The following ENTREP1 variants were observed in gnomAD, a reference collection of about 807,000 sequenced individuals.
The protein encoded by ENTREP1 is Friedreich ataxia region gene X123.
chr9:69,347,745 G>A, the ENTREP1 span, among the ~76,000 whole-genome samples: 1 of 152,196 alleles, frequency 6.6e-6, no homozygotes. Context: ...GCCCTACAGA[G>A]TGGCCTTGAA....
the ENTREP1 span, among the ~76,000 whole-genome samples, chr9:69,361,303 A>G: frequency 2.7e-4 from 41 of 152,170 alleles, no homozygotes; most frequent in Non-Finnish European, 5.3e-4. Flanking sequence ...GTCTCCCTGC[A>G]GGAGTAACCA....
the ENTREP1 span, chr9:69,325,140 A>AGCGGCAGCG: frequency 3.9e-6 from 4 of 1,030,456 alleles, no homozygotes; most frequent in Non-Finnish European, 3.5e-6. Context: ...GAGCCAGGGC[A>AGCGGCAGCG]GCGGCAGCGG....
chr9:69,368,579 C>G, the ENTREP1 span, among the ~76,000 whole-genome samples: 4 of 152,002 alleles, frequency 2.6e-5, no homozygotes, highest in Middle Eastern at 3.2e-3. Context: ...ATTTTTGTGT[C>G]TATGTTCATC....
chr9:69,387,770 C>T, the ENTREP1 span: 2 of 584,918 alleles, frequency 3.4e-6, no homozygotes, highest in African/African-American at 3.9e-5. Flanking sequence ...ACTACTTCAT[C>T]CTCGCTCCTT....
chr9:69,351,558 A>G, the ENTREP1 span, among the ~76,000 whole-genome samples: 1 of 152,188 alleles, frequency 6.6e-6, no homozygotes, highest in African/African-American at 2.4e-5. Flanking sequence ...CTGGGACTAC[A>G]GACATGCACC....
At chr9:69,358,630 A>C in the ENTREP1 span, among the ~76,000 whole-genome samples, 3 of 152,192 alleles carry the variant, frequency 2.0e-5, no homozygotes, top group Admixed American at 1.3e-4. Flanking sequence ...TGTGAAAGAG[A>C]AGAATTCTAG....
At chr9:69,368,062 T>A in the ENTREP1 span, among the ~76,000 whole-genome samples, 2 of 144,274 alleles carry the variant, frequency 1.4e-5, no homozygotes, top group Non-Finnish European at 3.0e-5. Flanking sequence ...CTGAGACTAC[T>A]GAATTTATTT....
At chr9:69,330,486 A>G in the ENTREP1 span, among the ~76,000 whole-genome samples, 2 of 152,176 alleles carry the variant, frequency 1.3e-5, no homozygotes, top group Admixed American at 1.3e-4. Context: ...GCAAGGTTCT[A>G]CTTTCACGTA....
At chr9:69,340,669 G>A in the ENTREP1 span, among the ~76,000 whole-genome samples, 1 of 140,516 alleles carries the variant, frequency 7.1e-6, no homozygotes, top group Non-Finnish European at 1.6e-5. Flanking sequence ...GTGTGTGCGT[G>A]TGTGTGTGCA....
chr9:69,348,720 C>G, the ENTREP1 span, among the ~76,000 whole-genome samples: 1 of 152,200 alleles, frequency 6.6e-6, no homozygotes, highest in Non-Finnish European at 1.5e-5. Flanking sequence ...TTGTAATTGA[C>G]TTCTTCCAGT....
chr9:69,373,902 A>G, the ENTREP1 span, among the ~76,000 whole-genome samples: 712 of 152,326 alleles, frequency 4.7e-3, 4 homozygotes, highest in East Asian at 0.016. Flanking sequence ...TGACAAATGT[A>G]TACACTCATG....
chr9:69,374,836 G>A, the ENTREP1 span, among the ~76,000 whole-genome samples: 2 of 152,320 alleles, frequency 1.3e-5, no homozygotes, highest in African/African-American at 2.4e-5. Flanking sequence ...TGACTGATGA[G>A]AAGTGAGAAT....
At chr9:69,377,436 C>T in the ENTREP1 span, 3 of 1,614,062 alleles carry the variant, frequency 1.9e-6, no homozygotes, top group South Asian at 2.2e-5. Context: ...GGCCGCTGCC[C>T]TCCGCTACCT....
chr9:69,367,369 A>AT, the ENTREP1 span, among the ~76,000 whole-genome samples: 16 of 149,872 alleles, frequency 1.1e-4, no homozygotes, highest in Admixed American at 7.3e-4. Context: ...GAATTTTAGG[A>AT]TTTTTTTTCT....
At chr9:69,335,368 C>G in the ENTREP1 span, among the ~76,000 whole-genome samples, 12 of 152,144 alleles carry the variant, frequency 7.9e-5, no homozygotes, top group South Asian at 2.1e-4. Context: ...CTTCTCAGGG[C>G]AGGTGACTGC....
the ENTREP1 span, chr9:69,382,707 T>A: frequency 1.3e-5 from 2 of 152,244 alleles, no homozygotes; most frequent in Non-Finnish European, 2.9e-5. Flanking sequence ...ACATTTTGTA[T>A]ATAGCCACAA....
At chr9:69,383,244 C>A in the ENTREP1 span, 1 of 687,704 alleles carries the variant, frequency 1.5e-6, no homozygotes, top group Non-Finnish European at 1.8e-6. Context: ...TATTTCGTAA[C>A]CATCATCTTT....
the ENTREP1 span, among the ~76,000 whole-genome samples, chr9:69,384,616 T>C: frequency 6.6e-6 from 1 of 152,234 alleles, no homozygotes; most frequent in Non-Finnish European, 1.5e-5. Context: ...TTTTCAGTAC[T>C]GCAGTAAGTA....
At chr9:69,358,081 A>G in the ENTREP1 span, among the ~76,000 whole-genome samples, 302 of 152,328 alleles carry the variant, frequency 2.0e-3, 1 homozygote, top group African/African-American at 6.4e-3. Flanking sequence ...AGTCTCAGCA[A>G]GACCACACAA....
Sources: gnomAD v4.1 joint callset for allele counts (sites outside exome capture counted in the v4.1 genomes callset) on GRCh38, gnomAD v4.1.1 for gene constraint, MANE v1.5 for transcripts, NCBI Gene and HGNC (gene_info 2026-07-23, HGNC 2026-07-21) for gene names.